Variants in STAG1 observed in about 807,000 individuals in gnomAD.
STAG1 encodes STAG1 cohesin complex component.
In STAG1, 26 loss-of-function variants were observed where a neutral mutation model predicts 170.9. The ratio of observed to expected loss-of-function variants is 0.15; its 90% confidence interval spans 0.11 to 0.21. STAG1 has a LOEUF of 0.21. STAG1 is among the 10% of genes least tolerant of loss of function. STAG1 has a pLI of 1.00. For missense variants in STAG1, 964 were observed against 1,509.5 expected (o/e 0.64, Z 5.99); for synonymous variants, 514 against 497.7 (o/e 1.03, Z -0.44).
At chr3:136,518,463 T>G in intron 7 of STAG1, 1 of 687,786 alleles carries the variant, frequency 1.5e-6, no homozygotes, top group Non-Finnish European at 2.6e-6. Flanking sequence ...TCCTCGTACA[T>G]ATACCATTAA....
intron 22 of STAG1, among the ~76,000 whole-genome samples, chr3:136,378,124 A>C (rs1404615831): frequency 6.6e-6 from 1 of 152,234 alleles, no homozygotes; most frequent in Non-Finnish European, 1.5e-5. Context: ...ATTAGGCAAC[A>C]AATGTGTACT....
At chr3:136,581,969 A>C (rs1053585532) in intron 4 of STAG1, among the ~76,000 whole-genome samples, 1 of 152,204 alleles carries the variant, frequency 6.6e-6, no homozygotes, top group African/African-American at 2.4e-5. Flanking sequence ...TCTTCCTTTT[A>C]AAGTTTTCTT....
chr3:136,340,473 T>C lies in STAG1; in HGVS notation c.3672+18A>G. 1.3e-6 allele frequency: 2 copies of C among 1,516,238 alleles called. No individual in the cohort carries two copies. The highest frequency in any genetic ancestry group is 1.1e-5 in the South Asian group (1 of 89,168). The allele number at this position is 1,516,238 out of a possible 1,614,324, so 93.9% of individuals were successfully genotyped here. A position where few individuals can be genotyped will look rare whatever the true frequency, so the allele number is the denominator to read the frequency against. ...CCCACATATTTTAACAAAAGAAAAA[T>C]ATAGTGAATTTCTCTACCAGATCAA... On this transcript the variant is annotated intron_variant, in intron 32 of 33. Transcript: ENST00000383202.
intron 1 of STAG1, among the ~76,000 whole-genome samples, chr3:136,733,910 A>G (rs901680654): frequency 6.6e-6 from 1 of 152,138 alleles, no homozygotes; most frequent in Non-Finnish European, 1.5e-5. Context: ...GATCAAGACC[A>G]TCCTGGCTAA....
At chr3:136,451,955 G>T in intron 14 of STAG1, 78 bp downstream of exon 14, 3 of 964,058 alleles carry the variant, frequency 3.1e-6, no homozygotes, top group East Asian at 2.7e-5. Context: ...TTATTTGATT[G>T]AAAAAAATTA....
chr3:136,641,250 G>A (rs1410677799), intron 1 of STAG1, among the ~76,000 whole-genome samples: 5 of 152,092 alleles, frequency 3.3e-5, no homozygotes, highest in Non-Finnish European at 7.4e-5. Context: ...TTTTTCAGAT[G>A]GGAATCAATA....
intron 7 of STAG1, among the ~76,000 whole-genome samples, chr3:136,514,114 A>G (rs1172776980): frequency 6.6e-6 from 1 of 152,232 alleles, no homozygotes. Flanking sequence ...TAAGTAGTAT[A>G]TGTAATTTTA....
chr3:136,399,209 C>T (rs2087249100), intron 21 of STAG1, among the ~76,000 whole-genome samples: 1 of 152,128 alleles, frequency 6.6e-6, no homozygotes, highest in African/African-American at 2.4e-5. Flanking sequence ...AAGAAAATTT[C>T]TACTTCTTTT....
At chr3:136,372,104 T>A (rs1341360597) in intron 23 of STAG1, among the ~76,000 whole-genome samples, 1 of 152,212 alleles carries the variant, frequency 6.6e-6, no homozygotes, top group East Asian at 1.9e-4. Flanking sequence ...AGGTATTTTA[T>A]TCTCTTTGAA....
At chr3:136,643,099 G>T (rs1940864743) in intron 1 of STAG1, among the ~76,000 whole-genome samples, 1 of 152,196 alleles carries the variant, frequency 6.6e-6, no homozygotes, top group East Asian at 1.9e-4. Context: ...TCCAAATAAG[G>T]TTGCATTCAT....
intron 6 of STAG1, among the ~76,000 whole-genome samples, chr3:136,530,988 C>A (rs1451364220): frequency 6.6e-6 from 1 of 152,090 alleles, no homozygotes; most frequent in Admixed American, 6.5e-5. Flanking sequence ...GCCTGTAATC[C>A]CAGATACTCG....
chr3:136,366,844 G>A lies in STAG1; in HGVS notation c.2685+99C>T, dbSNP rs559561573. On this transcript the variant is annotated intron_variant, in intron 25 of 33. Transcript: ENST00000383202. ...ATCATAAAATCATCCACATTACATA[G>A]GTGAAAAGCTGTCAATTTTAGCTTC... 196 of 952,690 alleles carry A rather than the reference G, an allele frequency of 2.1e-4. 1 individual carries two copies. Among genetic ancestry groups the A allele is most frequent in the South Asian group, 1.7e-3 (84 of 50,558 alleles). 59.0% of individuals were successfully genotyped at this position (952,690 alleles called of 1,614,324 possible).
intron 12 of STAG1, among the ~76,000 whole-genome samples, 163 bp from the exon 13 acceptor site, chr3:136,465,151 G>C (rs2089415915): frequency 6.6e-6 from 1 of 150,860 alleles, no homozygotes; most frequent in African/African-American, 2.4e-5. Context: ...AAGTATAAAA[G>C]ACAATAATGT....
At chr3:136,610,570 GAT>G (rs1316876623) in intron 3 of STAG1, among the ~76,000 whole-genome samples, 1 of 152,144 alleles carries the variant, frequency 6.6e-6, no homozygotes, top group Non-Finnish European at 1.5e-5. Flanking sequence ...ACTGGTACTT[GAT>G]AGACTCAAGG....
chr3:136,468,798 T>A (rs959701446), intron 12 of STAG1, among the ~76,000 whole-genome samples: 3 of 151,988 alleles, frequency 2.0e-5, no homozygotes, highest in African/African-American at 7.2e-5. Context: ...ATGATCAAGT[T>A]GGCTTCATCC....
intron 4 of STAG1, among the ~76,000 whole-genome samples, chr3:136,600,585 G>A (rs1003258411): frequency 3.9e-5 from 6 of 152,222 alleles, no homozygotes; most frequent in Non-Finnish European, 2.9e-5. Context: ...AGGCTGGCGT[G>A]TAGTGGCACA....
chr3:136,570,795 C>T (rs920018377), intron 4 of STAG1, among the ~76,000 whole-genome samples: 1 of 152,188 alleles, frequency 6.6e-6, no homozygotes, highest in Admixed American at 6.5e-5. Context: ...AACCACTTTC[C>T]CTTCCTCCAA....
intron 4 of STAG1, among the ~76,000 whole-genome samples, chr3:136,599,683 TCTAA>T (rs561326443): frequency 3.9e-4 from 60 of 152,314 alleles, no homozygotes; most frequent in African/African-American, 1.4e-3. Context: ...TGGGCTACAT[TCTAA>T]CTGAGTCCAA....
intron 1 of STAG1, among the ~76,000 whole-genome samples, chr3:136,729,722 G>A (rs528200820): frequency 4.0e-5 from 6 of 150,932 alleles, no homozygotes; most frequent in Admixed American, 2.0e-4. Context: ...ACAGGCATGT[G>A]CCTCCACGCC....
Sources: gnomAD v4.1 joint callset for allele counts (sites outside exome capture counted in the v4.1 genomes callset) on GRCh38, gnomAD v4.1.1 for gene constraint, MANE v1.5 for transcripts, NCBI Gene and HGNC (gene_info 2026-07-23, HGNC 2026-07-21) for gene names.